SLC25A25: variants seen among roughly 807,000 people sequenced by gnomAD.
SLC25A25 encodes solute carrier family 25 member 25.
SLC25A25 carries 32 observed loss-of-function variants against 57.7 expected under a neutral mutation model. The observed-to-expected ratio is 0.55, with a 90% CI of 0.42 to 0.74. The LOEUF (loss-of-function observed/expected upper bound fraction) is 0.74, where lower values mean the gene tolerates loss of function less well. Among genes scored for constraint, SLC25A25 ranks in the 30% least tolerant of loss-of-function variants. SLC25A25 has a pLI of 0.00. For missense variants in SLC25A25, 556 were observed against 701.3 expected (o/e 0.79, Z 2.34); for synonymous variants, 306 against 291.2 (o/e 1.05, Z -0.52).
At position 128,073,823 on chromosome 9, in the gene SLC25A25, C is replaced by T. The variant is rs189333952; in HGVS notation, c.261+5243C>T. 1.6e-3 allele frequency among the ~76,000 whole-genome samples: 236 copies of T among 151,886 alleles called. 1 individual carries two copies. The highest frequency in any genetic ancestry group is 2.7e-3 in the Non-Finnish European group (185 of 67,972). ...GATCTCAGCTCACTGAAACCTCTAC[C>T]TCCCCGGTTCAAGCAATTCTTTGCC... is the stretch of plus-strand genomic sequence containing the variant. On this transcript the variant is annotated intron_variant, in intron 1 of 10. Transcript: ENST00000373069.
chr9:128,087,967 T>C (rs1833314712), intron 1 of SLC25A25, among the ~76,000 whole-genome samples: 1 of 152,266 alleles, frequency 6.6e-6, no homozygotes, highest in South Asian at 2.1e-4. Flanking sequence ...TGAATGTCCC[T>C]GTGTACTAAG....
chr9:128,085,048 G>C (rs2130795684), intron 1 of SLC25A25, among the ~76,000 whole-genome samples: 1 of 152,196 alleles, frequency 6.6e-6, no homozygotes, highest in Non-Finnish European at 1.5e-5. Flanking sequence ...ATATATATTG[G>C]GCCGGGCAGA....
intron 1 of SLC25A25, chr9:128,098,873 G>T: frequency 6.7e-7 from 1 of 1,482,930 alleles, no homozygotes; most frequent in Non-Finnish European, 8.9e-7. Context: ...GGCTATGGCC[G>T]GCACGTGTAC....
At position 128,101,409 on chromosome 9, in the gene SLC25A25, C is replaced by G; in HGVS notation, c.476+13C>G. On this transcript the variant is annotated intron_variant, in intron 3 of 10. Coordinates refer to ENST00000373069, the MANE Select transcript of SLC25A25 (RefSeq NM_001330988.2). This position sits in a 1 kb window ranked among gnomAD's most constrained non-coding sequence, Gnocchi z 4.9. ...AAATTCTCAAGAGGTGAGTGCTCAG[C>G]CAGCCTCTGTGTTTGGTTTAAGTGT... 6.2e-7 allele frequency: 1 copy of G among 1,613,570 alleles called. No individual in the cohort carries two copies. The highest frequency in any genetic ancestry group is 1.1e-5 in the South Asian group (1 of 91,034).
chr9:128,068,713 A>G, intron 1 of SLC25A25, 133 bp downstream of exon 1: 1 of 1,004,468 alleles, frequency 1.0e-6, no homozygotes, highest in South Asian at 2.8e-5. Flanking sequence ...TGACTCACTG[A>G]GGGACACCCC....
intron 1 of SLC25A25, among the ~76,000 whole-genome samples, chr9:128,083,377 A>G (rs1200569920): frequency 6.6e-6 from 1 of 151,992 alleles, no homozygotes; most frequent in Admixed American, 6.6e-5. Flanking sequence ...GCCAGTCCTC[A>G]TCAAATCAAT....
chr9:128,091,773 C>T (rs10733689), intron 1 of SLC25A25: 1 of 1,494,152 alleles, frequency 6.7e-7, no homozygotes, highest in African/African-American at 1.4e-5. Context: ...ACCCCAGGCC[C>T]GTCCTCCCAG....
rs1833896031 is a variant in SLC25A25, at chr9:128,103,625, G to A, written c.625-56G>A. 2.5e-6 allele frequency: 4 copies of A among 1,612,304 alleles called. No individual in the cohort carries two copies. The highest frequency in any genetic ancestry group is 1.3e-5 in the African/African-American group (1 of 74,936). On this transcript the variant is annotated intron_variant, in intron 5 of 10. Transcript: ENST00000373069. This position sits in a 1 kb window ranked among gnomAD's most constrained non-coding sequence, Gnocchi z 6.7. ...TGCTAGAGGGTAGACGGCGACAGGT[G>A]CCAGCAGCCTTGCCCCAAGGGTCCT...
chr9:128,082,662 A>G (rs999804150), intron 1 of SLC25A25, among the ~76,000 whole-genome samples: 1 of 152,080 alleles, frequency 6.6e-6, no homozygotes, highest in Non-Finnish European at 1.5e-5. Flanking sequence ...ATTTTATTTT[A>G]TTTTAAGACA....
rs781193021 is a variant in SLC25A25, at chr9:128,068,570, G to T, written c.251G>T (p.Gly84Val). The change falls in exon 1 of 11, where the codon GGC becomes GTC. Residue 84 changes from glycine (G) to valine (V), a missense_variant. This residue lies in a region of SLC25A25 where 248 missense variants were observed against 273.5 expected (regional missense o/e 0.91). Coordinates refer to ENST00000373069, the MANE Select transcript of SLC25A25 (RefSeq NM_001330988.2). Reference protein sequence around the residue: ...LRRLGLHRTEGELQKIVQAGD... With the variant: ...LRRLGLHRTEVELQKIVQAGD... ...CGCCTGGGACTGCACCGCACCGAGG[G>T]CGAGCTCCAGGTAGGCTGCGCGCGT... 1 of 1,418,982 alleles carries T rather than the reference G, an allele frequency of 7.0e-7. No individual in the cohort carries two copies. Among genetic ancestry groups the T allele is most frequent in the African/African-American group, 1.5e-5 (1 of 67,214 alleles). The allele number at this position is 1,418,982 out of a possible 1,614,324, so 87.9% of individuals were successfully genotyped here. A position where few individuals can be genotyped will look rare whatever the true frequency, so the allele number is the denominator to read the frequency against.
rs748214158 is a variant in SLC25A25 at position 128,101,055 on chromosome 9, G to A, written c.262-41G>A. ...CCCCACAAGGGACAAGGAAAGGCTG[G>A]TCCAGGAGCCAAAAGACAAAATGTT... is the stretch of plus-strand genomic sequence containing the variant. On this transcript the variant is annotated intron_variant, in intron 1 of 10. Coordinates refer to ENST00000373069, the MANE Select transcript of SLC25A25 (RefSeq NM_001330988.2). The surrounding 1 kb of genome is among the most constrained non-coding windows in gnomAD (Gnocchi z 4.9). The A allele has an allele frequency of 6.2e-7, 1 of 1,612,592 alleles. No homozygotes were observed. The highest frequency in any genetic ancestry group is 8.5e-7 in the Non-Finnish European group (1 of 1,179,594).
chr9:128,100,119 T>C (rs538278429), intron 1 of SLC25A25, among the ~76,000 whole-genome samples: 13 of 152,278 alleles, frequency 8.5e-5, no homozygotes, highest in African/African-American at 2.9e-4. Context: ...GTGTAAATGT[T>C]TAGGCTCTCG....
At chr9:128,088,655 G>T (rs1833331575) in intron 1 of SLC25A25, among the ~76,000 whole-genome samples, 1 of 152,220 alleles carries the variant, frequency 6.6e-6, no homozygotes, top group Non-Finnish European at 1.5e-5. Flanking sequence ...CTGTTGTCCA[G>T]CGGCTGGGAA....
At chr9:128,083,268 T>TG (rs758821928) in intron 1 of SLC25A25, among the ~76,000 whole-genome samples, 149 of 144,260 alleles carry the variant, frequency 1.0e-3, no homozygotes, top group Non-Finnish European at 1.1e-3. Flanking sequence ...TTTTTTTGTT[T>TG]GTTTTGGTTT....
chr9:128,075,589 C>G (rs1001501703), intron 1 of SLC25A25, among the ~76,000 whole-genome samples: 6 of 152,140 alleles, frequency 3.9e-5, no homozygotes, highest in Non-Finnish European at 7.4e-5. Flanking sequence ...CACCTATAAT[C>G]TCAGCACTTT....
intron 1 of SLC25A25, among the ~76,000 whole-genome samples, chr9:128,072,238 G>A (rs1427275100): frequency 6.6e-6 from 1 of 152,194 alleles, no homozygotes; most frequent in African/African-American, 2.4e-5. Flanking sequence ...TGTTGAATTA[G>A]CATTAGTATT....
Position 128,102,466 on chromosome 9 carries a change from C to A in SLC25A25, c.609C>A (p.Tyr203Ter). 1.2e-6 allele frequency: 2 copies of A among 1,613,852 alleles called. No individual in the cohort carries two copies. The highest frequency in any genetic ancestry group is 1.7e-6 in the Non-Finnish European group (2 of 1,179,838). Residue 203 changes from tyrosine (Y) to a stop codon, truncating the protein, a stop_gained, in exon 5 of 11, where the codon TAC (tyrosine) becomes TAA (stop). Transcript: ENST00000373069. LOFTEE classifies it high-confidence loss of function. This position sits in a 1 kb window ranked among gnomAD's most constrained non-coding sequence, Gnocchi z 4.1. ...AAAACATCCCCGAGATCATCCTCTA[C>A]TGGAAGCATTCCACGGTGAGCCCCA... ...PVENIPEIIL[Y>*]WKHSTIFDVG...
chr9:128,068,727 T>A, intron 1 of SLC25A25, 147 bp downstream of exon 1: 1 of 931,304 alleles, frequency 1.1e-6, no homozygotes, highest in Non-Finnish European at 1.4e-6. Flanking sequence ...ACACCCCACT[T>A]ATGCCCTGGT....
At chr9:128,089,901 C>T (rs945769167) in intron 1 of SLC25A25, among the ~76,000 whole-genome samples, 1 of 152,120 alleles carries the variant, frequency 6.6e-6, no homozygotes, top group Non-Finnish European at 1.5e-5. Flanking sequence ...TCCCAAAGTA[C>T]TGGAATTACA....
Sources: allele counts gnomAD v4.1 joint callset (sites outside exome capture counted in the v4.1 genomes callset), GRCh38; gene constraint gnomAD v4.1.1; regional missense constraint gnomAD v4.1.1; non-coding constraint Gnocchi (gnomAD v3.1); transcripts MANE v1.5; gene names NCBI Gene and HGNC (gene_info 2026-07-23, HGNC 2026-07-21).